The following LRSAM1 variants were observed in gnomAD, a reference collection of about 807,000 sequenced individuals.
LRSAM1 encodes leucine rich repeat and sterile alpha motif containing 1.
LRSAM1 carries 96 observed loss-of-function variants against 118.1 expected under a neutral mutation model. The observed-to-expected ratio is 0.81, with a 90% CI of 0.69 to 0.96. The LOEUF (loss-of-function observed/expected upper bound fraction) is 0.96. LRSAM1 is among the 40% of genes least tolerant of loss of function. The pLI, the probability that LRSAM1 is intolerant of heterozygous loss-of-function variation, is 0.00. For synonymous variants in LRSAM1, 322 were observed against 364.2 expected (o/e 0.88, Z 1.32); for missense variants, 804 against 915.5 (o/e 0.88, Z 1.57).
At chr9:127,488,599 C>CT (rs111724344) in intron 18 of LRSAM1, among the ~76,000 whole-genome samples, 6,822 of 143,494 alleles carry the variant, frequency 0.048, 533 homozygotes, top group African/African-American at 0.16. Context: ...CTTTTCTTTT[C>CT]TTTTTTTTTT....
At chr9:127,492,670 C>T (rs1279240224) in intron 20 of LRSAM1, 132 bp from the exon 21 acceptor site, 1 of 806,240 alleles carries the variant, frequency 1.2e-6, no homozygotes, top group Admixed American at 2.0e-5. Flanking sequence ...TAGCTTTGTC[C>T]CCCAACGCAG....
chr9:127,499,060 A>AAG (rs1206126682), intron 24 of LRSAM1, among the ~76,000 whole-genome samples: 9 of 151,316 alleles, frequency 5.9e-5, no homozygotes, highest in Admixed American at 2.0e-4. Flanking sequence ...TGTCTCAAAA[A>AAG]AAAAAAAGAA....
intron 9 of LRSAM1, among the ~76,000 whole-genome samples, chr9:127,462,738 T>C (rs1254739605): frequency 4.0e-5 from 6 of 151,798 alleles, no homozygotes; most frequent in Admixed American, 3.9e-4. Context: ...GCTTCAAACC[T>C]GGGTGATGGG....
At chr9:127,467,525 A>G (rs1313711285) in intron 9 of LRSAM1, among the ~76,000 whole-genome samples, 1 of 152,206 alleles carries the variant, frequency 6.6e-6, no homozygotes, top group Non-Finnish European at 1.5e-5. Flanking sequence ...AGAGTCACTC[A>G]GGTTAAAACA....
chr9:127,500,374 A>AAAAAAAAGAG (rs1306368505), intron 24 of LRSAM1, among the ~76,000 whole-genome samples: 2 of 150,732 alleles, frequency 1.3e-5, no homozygotes, highest in South Asian at 4.2e-4. Flanking sequence ...AAAAAAAAAA[A>AAAAAAAAGAG]AGAGACTTAG....
intron 14 of LRSAM1, 65 bp from the exon 15 acceptor site, chr9:127,481,117 TA>T: frequency 6.4e-7 from 1 of 1,559,174 alleles, no homozygotes; most frequent in Non-Finnish European, 8.8e-7. Flanking sequence ...TCTGCACAGC[TA>T]ACGCAGTGAG....
chr9:127,490,646 C>G (rs566783189), intron 19 of LRSAM1, among the ~76,000 whole-genome samples: 11 of 152,310 alleles, frequency 7.2e-5, no homozygotes, highest in African/African-American at 2.6e-4. Flanking sequence ...CCTCAGTTTT[C>G]TTGTCTATAA....
In LRSAM1 at chr9:127,492,770, C is replaced by T. The variant is rs370737592; in HGVS notation, c.1504-32C>T. On this transcript the variant is annotated intron_variant, in intron 20 of 25. Coordinates refer to ENST00000300417, the MANE Select transcript of LRSAM1 (RefSeq NM_001005373.4). Reference sequence around the variant, plus strand: ...CGGGACTCCTGCGCTGCCGCCAGCTCACGGTGGTGCGGGGTGTGGTCTTGT... The same window carrying T: ...CGGGACTCCTGCGCTGCCGCCAGCTTACGGTGGTGCGGGGTGTGGTCTTGT... The T allele has an allele frequency of 2.5e-6, 4 of 1,605,212 alleles. No individual in the cohort carries two copies. The African/African-American group carries it at 5.3e-5, about 21-fold the overall frequency.
At chr9:127,478,790 C>T (rs1402431085) in intron 11 of LRSAM1, 144 bp from the exon 12 acceptor site, 1 of 777,878 alleles carries the variant, frequency 1.3e-6, no homozygotes, top group African/African-American at 1.7e-5. Context: ...ATCCCCTCAT[C>T]CCCCGACCCC....
Position 127,473,722 on chromosome 9 carries a change from C to T in LRSAM1, c.620-79C>T, listed in dbSNP as rs943110359. On this transcript the variant is annotated intron_variant, in intron 10 of 25. Transcript: ENST00000300417. ...GCTGAGTCAGGGTGGGGCCGGCTGC[C>T]CTGGCAGTGGGAGCGGGTGTCTCTG... is the stretch of plus-strand genomic sequence containing the variant. The T allele has an allele frequency of 1.1e-5, 18 of 1,606,226 alleles. No homozygotes were observed. The Admixed American group carries it at 1.7e-4, about 15-fold the overall frequency.
chr9:127,458,403 AC>A (rs1354501753), intron 6 of LRSAM1, among the ~76,000 whole-genome samples: 14 of 150,688 alleles, frequency 9.3e-5, no homozygotes, highest in African/African-American at 3.4e-4. Flanking sequence ...ACAAAACAAA[AC>A]AAAACAAAAC....
intron 24 of LRSAM1, among the ~76,000 whole-genome samples, chr9:127,499,184 G>A (rs1026417604): frequency 1.3e-5 from 2 of 152,082 alleles, no homozygotes; most frequent in African/African-American, 4.8e-5. Context: ...ACCAGCCTGG[G>A]CGACATAGGG....
intron 9 of LRSAM1, among the ~76,000 whole-genome samples, chr9:127,463,900 T>C (rs1834839673): frequency 6.6e-6 from 1 of 152,220 alleles, no homozygotes; most frequent in South Asian, 2.1e-4. Flanking sequence ...TGCTACTTTG[T>C]AGATGAAGAA....
chr9:127,498,116 G>C (rs1196680067), intron 24 of LRSAM1, among the ~76,000 whole-genome samples: 3 of 152,194 alleles, frequency 2.0e-5, no homozygotes, highest in African/African-American at 7.2e-5. Flanking sequence ...TTTTTAGCCA[G>C]AGCCAAGGAA....
chr9:127,494,179 C>T (rs561220926), intron 21 of LRSAM1, among the ~76,000 whole-genome samples: 3 of 152,344 alleles, frequency 2.0e-5, no homozygotes, highest in Non-Finnish European at 2.9e-5. Flanking sequence ...GGCTCCTGGG[C>T]GCTGGAAGAG....
At chr9:127,486,408 C>G (rs1835734227) in intron 17 of LRSAM1, 1 of 161,880 alleles carries the variant, frequency 6.2e-6, no homozygotes, top group African/African-American at 2.4e-5. Context: ...GTTGGAGGTT[C>G]CACAGGTGCC....
chr9:127,491,190 A>G (rs1835919391), intron 19 of LRSAM1, 25 bp from the exon 20 acceptor site: 3 of 1,603,862 alleles, frequency 1.9e-6, no homozygotes, highest in Non-Finnish European at 2.6e-6. Flanking sequence ...GAGTAAAAAA[A>G]AACCCTGTCT....
intron 9 of LRSAM1, among the ~76,000 whole-genome samples, chr9:127,466,345 A>G (rs1439110136): frequency 2.0e-5 from 3 of 151,658 alleles, no homozygotes; most frequent in Admixed American, 6.6e-5. Flanking sequence ...TGTAGATAGT[A>G]ACCCAAAATC....
intron 17 of LRSAM1, chr9:127,486,730 T>G (rs1374121415): frequency 6.6e-6 from 1 of 152,262 alleles, no homozygotes; most frequent in Non-Finnish European, 1.5e-5. Context: ...TCAAATTCCT[T>G]ATCAGATAAA....
Sources: allele counts gnomAD v4.1 joint callset (sites outside exome capture counted in the v4.1 genomes callset), GRCh38; gene constraint gnomAD v4.1.1; transcripts MANE v1.5; gene names NCBI Gene and HGNC (gene_info 2026-07-23, HGNC 2026-07-21).